The following SLC6A11 variants were observed in gnomAD, a reference collection of about 807,000 sequenced individuals.
The protein encoded by SLC6A11 is sodium- and chloride-dependent GABA transporter 3.
In SLC6A11, 25 loss-of-function variants were observed where a neutral mutation model predicts 74.8. That is an observed-to-expected ratio of 0.33 (90% CI 0.24 to 0.47). The LOEUF is 0.47. SLC6A11 is among the 20% of genes least tolerant of loss of function. SLC6A11 has a pLI of 1.00. For missense variants in SLC6A11, 574 were observed against 837.0 expected, an observed-to-expected ratio of 0.69 and a Z score of 3.88; for synonymous variants, 330 against 330.2, an observed-to-expected ratio of 1.00 and a Z score of 0.01.
At chr3:10,884,418 A>T (rs993075712) in intron 6 of SLC6A11, among the ~76,000 whole-genome samples, 3 of 152,216 alleles carry the variant, frequency 2.0e-5, no homozygotes, top group African/African-American at 7.2e-5. Flanking sequence ...AATTCTTATG[A>T]CCTATAAGAT....
intron 6 of SLC6A11, among the ~76,000 whole-genome samples, chr3:10,907,008 T>C (rs1233012400): frequency 1.3e-5 from 2 of 152,128 alleles, no homozygotes; most frequent in Non-Finnish European, 2.9e-5. Flanking sequence ...GATCAAAACT[T>C]ATGCAAAGCT....
At chr3:10,844,389 G>T (rs750656217) in intron 5 of SLC6A11, 43 bp downstream of exon 5, 29 of 1,612,898 alleles carry the variant, frequency 1.8e-5, no homozygotes, top group African/African-American at 4.0e-5. Flanking sequence ...GCAGGGGAAG[G>T]CACGAGCTCA....
In SLC6A11 at chr3:10,918,292, C is replaced by T. The variant is rs374032097; in HGVS notation, c.996-37C>T. 2.7e-5 allele frequency: 41 copies of T among 1,537,144 alleles called. No individual in the cohort carries two copies. Among genetic ancestry groups the T allele is most frequent in the Middle Eastern group, 1.7e-4 (1 of 5,766 alleles). Reference sequence around the variant, plus strand: ...GTTTGAGCCGTGCACCGGTTCTGCCCGCTCTGACCCTAGTGCCTCTCGCTG... The same window carrying T: ...GTTTGAGCCGTGCACCGGTTCTGCCTGCTCTGACCCTAGTGCCTCTCGCTG... On this transcript the variant is annotated intron_variant, in intron 7 of 13. Coordinates refer to ENST00000254488, the MANE Select transcript of SLC6A11 (RefSeq NM_014229.3). This position sits in a 1 kb window ranked among gnomAD's most constrained non-coding sequence, Gnocchi z 4.5.
At chr3:10,875,415 G>A (rs1335906538) in intron 6 of SLC6A11, among the ~76,000 whole-genome samples, 1 of 152,166 alleles carries the variant, frequency 6.6e-6, no homozygotes, top group East Asian at 1.9e-4. Context: ...GAGCATAAGT[G>A]ACATTTCAAG....
intron 5 of SLC6A11, among the ~76,000 whole-genome samples, chr3:10,844,720 G>A (rs1426287279): frequency 6.6e-6 from 1 of 152,206 alleles, no homozygotes; most frequent in Non-Finnish European, 1.5e-5. Context: ...GAGGGCAGGT[G>A]ATGCTGGCTG....
rs370745757 is a variant in SLC6A11, at chr3:10,844,195, T to C, written c.624-19T>C. 1.2e-6 allele frequency: 2 copies of C among 1,614,138 alleles called. No homozygotes were observed. Among genetic ancestry groups the C allele is most frequent in the African/African-American group, 1.3e-5 (1 of 75,056 alleles). On this transcript the variant is annotated intron_variant, in intron 4 of 13. Coordinates refer to ENST00000254488, the MANE Select transcript of SLC6A11 (RefSeq NM_014229.3). ...GGGCCAGCCCCAGCCCCAGTGACTCTCCACCCTCCCTTCTGCAGGCACCGG... is the reference window on the plus strand; with the variant it reads ...GGGCCAGCCCCAGCCCCAGTGACTCCCCACCCTCCCTTCTGCAGGCACCGG...
chr3:10,922,002 G>A (rs1357315579), intron 8 of SLC6A11, among the ~76,000 whole-genome samples: 2 of 152,148 alleles, frequency 1.3e-5, no homozygotes, highest in Non-Finnish European at 2.9e-5. Context: ...AACTGGAGGG[G>A]AAAACAGACA....
chr3:10,911,159 G>A (rs192223797), intron 6 of SLC6A11, among the ~76,000 whole-genome samples: 26 of 152,316 alleles, frequency 1.7e-4, no homozygotes, highest in Non-Finnish European at 3.1e-4. Flanking sequence ...AATGCATGAA[G>A]GGCAGTAATG....
chr3:10,839,027 G>A (rs1345621375), intron 4 of SLC6A11, among the ~76,000 whole-genome samples: 2 of 151,872 alleles, frequency 1.3e-5, no homozygotes, highest in Non-Finnish European at 2.9e-5. Flanking sequence ...AAGTAGAAAG[G>A]ACATCTCCAT....
chr3:10,829,680 T>C (rs981899472), intron 4 of SLC6A11, among the ~76,000 whole-genome samples: 5 of 152,170 alleles, frequency 3.3e-5, no homozygotes, highest in African/African-American at 7.2e-5. Flanking sequence ...TATGGGATGA[T>C]GTATGGTAAA....
chr3:10,904,906 G>C (rs986016867), intron 6 of SLC6A11, among the ~76,000 whole-genome samples: 1 of 152,146 alleles, frequency 6.6e-6, no homozygotes, highest in African/African-American at 2.4e-5. Flanking sequence ...TACTTACCTA[G>C]TAAGATCATT....
chr3:10,927,443 C>T (rs1489365794), intron 9 of SLC6A11, among the ~76,000 whole-genome samples: 1 of 152,052 alleles, frequency 6.6e-6, no homozygotes, highest in African/African-American at 2.4e-5. Flanking sequence ...AGTTCATTGT[C>T]ACAATAACCA....
chr3:10,922,565 CA>C (rs1029521428), intron 8 of SLC6A11, among the ~76,000 whole-genome samples: 15 of 152,034 alleles, frequency 9.9e-5, no homozygotes, highest in African/African-American at 3.4e-4. Flanking sequence ...TGGTTACCTT[CA>C]GGGGTGGTCG....
intron 6 of SLC6A11, among the ~76,000 whole-genome samples, chr3:10,876,748 C>G (rs1251670104): frequency 2.9e-5 from 2 of 69,896 alleles, no homozygotes; most frequent in East Asian, 5.6e-4. Flanking sequence ...CCCCCCCCCC[C>G]CCGCCCCACC....
chr3:10,883,066 T>TG (rs919200142), intron 6 of SLC6A11, among the ~76,000 whole-genome samples: 2 of 142,750 alleles, frequency 1.4e-5, no homozygotes, highest in Non-Finnish European at 3.1e-5. Flanking sequence ...GGCGGGGAGG[T>TG]GGGGGGGCGC....
At chr3:10,895,002 T>C (rs1015013166) in intron 6 of SLC6A11, among the ~76,000 whole-genome samples, 12 of 152,210 alleles carry the variant, frequency 7.9e-5, no homozygotes, top group Non-Finnish European at 1.2e-4. Flanking sequence ...GGATTGAGTC[T>C]TTCAGGTATC....
intron 5 of SLC6A11, among the ~76,000 whole-genome samples, chr3:10,862,237 G>C (rs1001545908): frequency 2.6e-5 from 4 of 152,182 alleles, no homozygotes; most frequent in Non-Finnish European, 5.9e-5. Context: ...CCAAGGTTCC[G>C]AGTATGTTTT....
chr3:10,870,923 T>C (rs1694821534), intron 5 of SLC6A11, among the ~76,000 whole-genome samples: 1 of 152,222 alleles, frequency 6.6e-6, no homozygotes, highest in Non-Finnish European at 1.5e-5. Context: ...CATTTGAATA[T>C]TTTATTTCCC....
intron 4 of SLC6A11, among the ~76,000 whole-genome samples, chr3:10,830,896 C>T (rs756345187): frequency 1.1e-4 from 17 of 152,154 alleles, no homozygotes; most frequent in Non-Finnish European, 2.2e-4. Flanking sequence ...CCCCAGGCTG[C>T]AGGTGGAGGC....
Sources: gnomAD v4.1 joint callset for allele counts (sites outside exome capture counted in the v4.1 genomes callset) on GRCh38, gnomAD v4.1.1 for gene constraint, Gnocchi (gnomAD v3.1) non-coding constraint, MANE v1.5 for transcripts, NCBI Gene and HGNC (gene_info 2026-07-23, HGNC 2026-07-21) for gene names.